Variants in SLC12A9 observed in about 807,000 individuals in gnomAD.
SLC12A9 encodes the protein CCC-interacting protein 1.
SLC12A9 carries 55 observed loss-of-function variants against 66.0 expected under a neutral mutation model. That is an observed-to-expected ratio of 0.83 (90% CI 0.67 to 1.04). The LOEUF (loss-of-function observed/expected upper bound fraction) is 1.04, where lower values mean the gene tolerates loss of function less well. Among genes scored for constraint, SLC12A9 ranks in the 50% least tolerant of loss-of-function variants. SLC12A9 has a pLI of 0.00. For synonymous variants in SLC12A9, 577 were observed against 569.0 expected, an observed-to-expected ratio of 1.01 and a Z score of -0.20; for missense variants, 1,061 against 1,241.9, an observed-to-expected ratio of 0.85 and a Z score of 2.19.
chr7:100,833,932 C>CAAAAAAAAAAAAAAAA (rs60667059), intron 1 of SLC12A9, among the ~76,000 whole-genome samples: 1 of 63,076 alleles, frequency 1.6e-5, no homozygotes, highest in African/African-American at 9.0e-5. Context: ...GACTCTGTCT[C>CAAAAAAAAAAAAAAAA]AAAAAAAAAA....
In SLC12A9 at chr7:100,862,789, G is replaced by A. The variant is rs1332385376; in HGVS notation, c.1820G>A (p.Arg607His). 6.2e-6 allele frequency: 10 copies of A among 1,614,042 alleles called. No homozygotes were observed. Among genetic ancestry groups the A allele is most frequent in the East Asian group, 2.2e-5 (1 of 44,886 alleles). ...FVDLTLSPSV[R>H]QGAQHLLRIS... ...GATCTAACCCTCTCACCCTCCGTGC[G>A]CCAGGGGGCTCAGCATCTGCTGCGA... is the stretch of plus-strand genomic sequence containing the variant. Residue 607 changes from arginine (R) to histidine (H), a missense_variant, in exon 13 of 14, where the codon CGC becomes CAC. Coordinates refer to ENST00000354161, the MANE Select transcript of SLC12A9 (RefSeq NM_020246.4).
intron 1 of SLC12A9, among the ~76,000 whole-genome samples, chr7:100,834,471 C>T (rs929802563): frequency 2.6e-5 from 4 of 152,028 alleles, no homozygotes; most frequent in Admixed American, 6.6e-5. Flanking sequence ...AGACTGAAGG[C>T]GGGGAAACCA....
chr7:100,865,931 C>G lies in SLC12A9; in HGVS notation c.2071C>G (p.Leu691Val). The part of the protein sequence containing the change: ...QDYVATVADA[L>V]KMNKNVVLAR... ...CTATGTGGCCACGGTGGCCGACGCCCTCAAGATGAACAAGAATGTGGTGCT... is the reference window on the plus strand; with the variant it reads ...CTATGTGGCCACGGTGGCCGACGCCGTCAAGATGAACAAGAATGTGGTGCT... Residue 691 changes from leucine to valine, a missense_variant, in exon 14 of 14, where the codon CTC (leucine) becomes GTC (valine). By Grantham distance (32) the Leu-to-Val change is conservative. Coordinates refer to ENST00000354161, the MANE Select transcript of SLC12A9 (RefSeq NM_020246.4). The G allele has an allele frequency of 1.9e-6, 3 of 1,613,434 alleles. No individual in the cohort carries two copies. Among genetic ancestry groups the G allele is most frequent in the Non-Finnish European group, 2.5e-6 (3 of 1,179,994 alleles).
At chr7:100,837,380 C>G (rs1024503553) in intron 1 of SLC12A9, 5 of 152,248 alleles carry the variant, frequency 3.3e-5, no homozygotes. Context: ...CGTAGCCACA[C>G]AATTCGCGCC....
At chr7:100,838,131 G>C (rs1813706563) in intron 1 of SLC12A9, among the ~76,000 whole-genome samples, 1 of 151,938 alleles carries the variant, frequency 6.6e-6, no homozygotes, top group Non-Finnish European at 1.5e-5. Flanking sequence ...AAAGTGCTGG[G>C]ATTACAGGCG....
intron 1 of SLC12A9, among the ~76,000 whole-genome samples, chr7:100,838,103 T>C (rs1260639914): frequency 1.3e-5 from 2 of 151,850 alleles, no homozygotes; most frequent in Non-Finnish European, 2.9e-5. Context: ...CCTCGTGATC[T>C]GCCCGCCTCA....
At chr7:100,832,526 A>G (rs2116494562) in intron 1 of SLC12A9, among the ~76,000 whole-genome samples, 1 of 152,268 alleles carries the variant, frequency 6.6e-6, no homozygotes, top group South Asian at 2.1e-4. Context: ...GCAAAAATTA[A>G]TCAGCCATCC....
chr7:100,841,193 G>C (rs1813782895), intron 1 of SLC12A9, among the ~76,000 whole-genome samples: 1 of 151,740 alleles, frequency 6.6e-6, no homozygotes, highest in African/African-American at 2.4e-5. Context: ...AAGTCAAAAA[G>C]TTGAAGAATA....
chr7:100,831,606 C>A (rs1218877838), intron 1 of SLC12A9, among the ~76,000 whole-genome samples: 1 of 152,212 alleles, frequency 6.6e-6, no homozygotes, highest in Non-Finnish European at 1.5e-5. Context: ...TCCTGAGGAG[C>A]TGGGACCCCG....
chr7:100,862,615 T>G, intron 12 of SLC12A9, 66 bp from the exon 13 acceptor site: 1 of 1,587,776 alleles, frequency 6.3e-7, no homozygotes, highest in Admixed American at 1.7e-5. Context: ...CGTCTGTGAT[T>G]TGGACTCTAG....
chr7:100,866,324 A>G lies in SLC12A9; in HGVS notation c.2464A>G (p.Asn822Asp). 1 of 1,508,546 alleles carries G rather than the reference A, an allele frequency of 6.6e-7. No homozygotes were observed. Among genetic ancestry groups the G allele is most frequent in the Non-Finnish European group, 8.9e-7 (1 of 1,125,620 alleles). The allele number at this position is 1,508,546 out of a possible 1,614,324, so 93.4% of individuals were successfully genotyped here. ...GGCGGAGGAGGAAGGGGACTTTGTG[A>G]ACAGTGGGCGGGGAGACGCAGAGGC... Reference protein sequence around the residue: ...PEAEEEGDFVNSGRGDAEAEA... With the variant: ...PEAEEEGDFVDSGRGDAEAEA... Residue 822 changes from asparagine (N) to aspartate (D), a missense_variant, in exon 14 of 14, where the codon AAC (asparagine) becomes GAC (aspartate). Physicochemically the swap from Asn to Asp is conservative, Grantham distance 23. Transcript: ENST00000354161. The surrounding 1 kb of genome is among the most constrained non-coding windows in gnomAD (Gnocchi z 7.3).
intron 1 of SLC12A9, among the ~76,000 whole-genome samples, chr7:100,839,870 T>G (rs314327): frequency 0.64 from 96,240 of 151,508 alleles, 30,899 homozygotes; most frequent in Middle Eastern, 0.81. Context: ...GTGAAACCCC[T>G]TCTCTACTAA....
In SLC12A9 at chr7:100,859,180, G is replaced by C. The variant is rs371266473; in HGVS notation, c.977+19G>C. 1 of 1,608,756 alleles carries C rather than the reference G, an allele frequency of 6.2e-7. No individual in the cohort carries two copies. Among genetic ancestry groups the C allele is most frequent in the Non-Finnish European group, 8.5e-7 (1 of 1,175,610 alleles). ...GTGACAGGTGTCTGGGGAGGGATGGGGGTGGAGTGTCGAACAAGATTGGTG... is the reference window on the plus strand; with the variant it reads ...GTGACAGGTGTCTGGGGAGGGATGGCGGTGGAGTGTCGAACAAGATTGGTG... On this transcript the variant is annotated intron_variant, in intron 7 of 13. Coordinates refer to ENST00000354161, the MANE Select transcript of SLC12A9 (RefSeq NM_020246.4).
chr7:100,859,839 C>G, intron 7 of SLC12A9, 46 bp from the exon 8 acceptor site: 1 of 1,563,644 alleles, frequency 6.4e-7, no homozygotes, highest in Admixed American at 1.8e-5. Flanking sequence ...GATTTTCTTA[C>G]CCCGTGACGC....
intron 1 of SLC12A9, among the ~76,000 whole-genome samples, chr7:100,841,850 C>T (rs1269742445): frequency 1.3e-5 from 2 of 151,984 alleles, no homozygotes; most frequent in Non-Finnish European, 2.9e-5. Flanking sequence ...AGTAAAAAGG[C>T]ACTAAGGACT....
In SLC12A9 at chr7:100,866,548, C is replaced by T; in HGVS notation, c.2688C>T (p.Asp896=). Reference sequence around the variant, plus strand: ...CGCTACTGGAGACTCTAACCCGAGACCTGGGCCCCACGCTGCTGGTTCATG... The same window carrying T: ...CGCTACTGGAGACTCTAACCCGAGATCTGGGCCCCACGCTGCTGGTTCATG... ...YLALLETLTR[D]LGPTLLVHGV... The change falls in exon 14 of 14, where the codon GAC becomes GAT. Residue 896 remains aspartate, a synonymous_variant. Transcript: ENST00000354161. The surrounding 1 kb of genome is among the most constrained non-coding windows in gnomAD (Gnocchi z 7.3). 6.3e-7 allele frequency: 1 copy of T among 1,586,990 alleles called. No homozygotes were observed. The highest frequency in any genetic ancestry group is 8.6e-7 in the Non-Finnish European group (1 of 1,167,848).
intron 5 of SLC12A9, 177 bp downstream of exon 5, chr7:100,857,353 GC>G: frequency 1.4e-6 from 1 of 699,834 alleles, no homozygotes; most frequent in African/African-American, 1.8e-5. Flanking sequence ...GGCCGGCAGG[GC>G]AGGAGGAAGC....
chr7:100,862,622 C>A lies in SLC12A9; in HGVS notation c.1712-59C>A, dbSNP rs553707799. The stretch of plus-strand genomic sequence containing the variant: ...CCCAGGCCCGTCTGTGATTTGGACT[C>A]TAGGAGACATTGAGTTTGGACAACA... On this transcript the variant is annotated intron_variant, in intron 12 of 13. Transcript: ENST00000354161. The A allele has an allele frequency of 2.5e-6, 4 of 1,601,340 alleles. No homozygotes were observed. The East Asian group carries it at 6.7e-5, about 27-fold the overall frequency.
In SLC12A9 at chr7:100,865,824, G is replaced by A. The variant is rs772186298; in HGVS notation, c.1964G>A (p.Arg655Lys). ...TTCTCTGAGCCTGCAGACAGCACCA[G>A]GGAGGGCAGTTCCCCAGCTCTGAGC... ...PAFSEPADST[R>K]EGSSPALSTL... is the part of the protein sequence containing the mutation. Residue 655 changes from arginine (R) to lysine (K), a missense_variant, in exon 14 of 14, where the codon AGG (arginine) becomes AAG (lysine). Physicochemically the swap from Arg to Lys is conservative, Grantham distance 26 (BLOSUM62 2). Coordinates refer to ENST00000354161, the MANE Select transcript of SLC12A9 (RefSeq NM_020246.4). 4 of 1,613,826 alleles carry A rather than the reference G, an allele frequency of 2.5e-6. No individual in the cohort carries two copies. The highest frequency in any genetic ancestry group is 3.3e-5 in the Admixed American group (2 of 60,008).
Sources: gnomAD v4.1 joint callset for allele counts (sites outside exome capture counted in the v4.1 genomes callset) on GRCh38, gnomAD v4.1.1 for gene constraint, Gnocchi (gnomAD v3.1) non-coding constraint, MANE v1.5 for transcripts, NCBI Gene and HGNC (gene_info 2026-07-23, HGNC 2026-07-21) for gene names.